The following ANK3 variants were observed in gnomAD, a reference collection of about 807,000 sequenced individuals.
The protein encoded by ANK3 is ankyrin-3.
In ANK3, 57 loss-of-function variants were observed where a neutral mutation model predicts 370.9. The ratio of observed to expected loss-of-function variants is 0.15; its 90% CI spans 0.12 to 0.19. The LOEUF is 0.19. ANK3 is among the 10% of genes least tolerant of loss of function. The probability of loss-of-function intolerance (pLI) is 1.00; values close to 1 mark genes in which losing one functional copy is unlikely to be tolerated. For missense variants in ANK3, 4,439 were observed against 5,302.1 expected (o/e 0.84, Z 5.06); for synonymous variants, 1,929 against 1,946.3 (o/e 0.99, Z 0.23).
At chr10:60,317,737 G>A (rs372453047) in intron 1 of ANK3, among the ~76,000 whole-genome samples, 2 of 141,296 alleles carry the variant, frequency 1.4e-5, no homozygotes, top group Non-Finnish European at 3.0e-5. Context: ...TTTTTGAGAC[G>A]GAGTCTCGCT....
At chr10:60,177,458 CTGGCTT>C (rs1406494530) in intron 18 of ANK3, among the ~76,000 whole-genome samples, 9 of 152,254 alleles carry the variant, frequency 5.9e-5, no homozygotes, top group Non-Finnish European at 1.3e-4. Flanking sequence ...CTTTCCCCAG[CTGGCTT>C]TGTCTCTCCT....
chr10:60,540,663 C>A (rs780542956), intron 2 of ANK3, among the ~76,000 whole-genome samples: 2 of 151,850 alleles, frequency 1.3e-5, no homozygotes, highest in Non-Finnish European at 2.9e-5. Flanking sequence ...CTTCACAAAG[C>A]CACACAAAGG....
chr10:60,150,219 G>A (rs1156817505), intron 23 of ANK3, among the ~76,000 whole-genome samples: 1 of 152,012 alleles, frequency 6.6e-6, no homozygotes, highest in Non-Finnish European at 1.5e-5. Context: ...CTCATCCGGT[G>A]CCTGGCGTCT....
chr10:60,033,588 G>A (rs72818450), intron 43 of ANK3, among the ~76,000 whole-genome samples: 175 of 148,994 alleles, frequency 1.2e-3, no homozygotes, highest in Non-Finnish European at 1.0e-3. Context: ...ATACTTTACA[G>A]TTAAATATGT....
chr10:60,553,861 C>A (rs2077147659), intron 2 of ANK3, among the ~76,000 whole-genome samples: 1 of 152,106 alleles, frequency 6.6e-6, no homozygotes, highest in Non-Finnish European at 1.5e-5. Context: ...TGGCAACTAG[C>A]CCTTTATAAC....
chr10:60,089,211 T>C (rs2087523727), intron 28 of ANK3, among the ~76,000 whole-genome samples: 1 of 152,222 alleles, frequency 6.6e-6, no homozygotes, highest in Non-Finnish European at 1.5e-5. Flanking sequence ...TCTTCCCTGC[T>C]GTCTACCTCC....
chr10:60,071,136 C>T lies in ANK3; in HGVS notation c.9745G>A (p.Val3249Ile). 6.2e-7 allele frequency: 1 copy of T among 1,614,136 alleles called. No individual in the cohort carries two copies. The highest frequency in any genetic ancestry group is 8.5e-7 in the Non-Finnish European group (1 of 1,180,002). Reference sequence around the variant, plus strand: ...GGAGGGGGAAATTCAATATAGGCAACTCTGTTATTTTTGGGTCTTTGGTTA... The same window carrying T: ...GGAGGGGGAAATTCAATATAGGCAATTCTGTTATTTTTGGGTCTTTGGTTA... ...DSNQRPKNNRVAYIEFPPPPP... is the reference protein window; with the variant it reads ...DSNQRPKNNRIAYIEFPPPPP... The change falls in exon 37 of 44, where the codon GTT becomes ATT. Residue 3249 changes from valine (V) to isoleucine (I), a missense_variant. Physicochemically the swap from Val to Ile is conservative, Grantham distance 29 (BLOSUM62 3). Transcript: ENST00000280772.
chr10:60,145,218 C>A (rs1457795602), intron 23 of ANK3, among the ~76,000 whole-genome samples: 1 of 152,184 alleles, frequency 6.6e-6, no homozygotes, highest in African/African-American at 2.4e-5. Flanking sequence ...CCAAATAGTA[C>A]AACCCTGCAA....
chr10:60,070,139 T>G lies in ANK3; in HGVS notation c.10742A>C (p.Asp3581Ala), dbSNP rs1246310758. 8 of 1,614,060 alleles carry G rather than the reference T, an allele frequency of 5.0e-6. No homozygotes were observed. Among genetic ancestry groups the G allele is most frequent in the Non-Finnish European group, 6.8e-6 (8 of 1,180,024 alleles). Residue 3581 changes from aspartate (D) to alanine (A), a missense_variant, in exon 37 of 44, where the codon GAT becomes GCT. By Grantham distance (126) the Asp-to-Ala change is moderately radical (BLOSUM62 -2). Transcript: ENST00000280772. The surrounding 1 kb of genome is among the most constrained non-coding windows in gnomAD (Gnocchi z 5.7). ...VEDRSPATTP[D>A]TTPARTPTDE... ...AGTTGGCGTTCTGGCTGGCGTTGTA[T>G]CAGGGGTTGTTGCTGGAGAGCGGTC...
intron 2 of ANK3, among the ~76,000 whole-genome samples, chr10:60,449,623 C>A (rs1378212385): frequency 1.3e-5 from 2 of 152,206 alleles, no homozygotes; most frequent in African/African-American, 4.8e-5. Context: ...AGATACTCAC[C>A]TTTCTAAACC....
chr10:60,644,952 ACT>A (rs2078691074), intron 1 of ANK3, among the ~76,000 whole-genome samples: 1 of 151,132 alleles, frequency 6.6e-6, no homozygotes, highest in Non-Finnish European at 1.5e-5. Context: ...TAAACATAAA[ACT>A]CAGGTATATT....
intron 1 of ANK3, among the ~76,000 whole-genome samples, chr10:60,659,990 T>C (rs1247250361): frequency 1.3e-5 from 2 of 152,128 alleles, no homozygotes; most frequent in African/African-American, 4.8e-5. Flanking sequence ...TTTGGTAATA[T>C]TAGAGATTGA....
intron 7 of ANK3, among the ~76,000 whole-genome samples, chr10:60,240,155 C>CATAT (rs10629896): frequency 8.6e-6 from 1 of 116,632 alleles, no homozygotes; most frequent in South Asian, 2.9e-4. Flanking sequence ...CATATATATA[C>CATAT]ATATATACAC....
intron 1 of ANK3, among the ~76,000 whole-genome samples, chr10:60,371,898 C>A (rs1303623634): frequency 1.3e-5 from 2 of 151,916 alleles, no homozygotes; most frequent in Non-Finnish European, 2.9e-5. Context: ...AGGGTGGAAG[C>A]CAAGTGGAAG....
At chr10:60,638,545 A>AT (rs1317287480) in intron 1 of ANK3, among the ~76,000 whole-genome samples, 2 of 152,196 alleles carry the variant, frequency 1.3e-5, no homozygotes, top group Non-Finnish European at 2.9e-5. Flanking sequence ...GCAGAAAAAA[A>AT]AATCCATCAA....
chr10:60,248,769 A>G (rs1402997821), intron 7 of ANK3, among the ~76,000 whole-genome samples: 1 of 152,208 alleles, frequency 6.6e-6, no homozygotes, highest in Non-Finnish European at 1.5e-5. Flanking sequence ...AGAAAATACC[A>G]GAGCTGAGGT....
chr10:60,646,172 A>T (rs968442088), intron 1 of ANK3, among the ~76,000 whole-genome samples: 1 of 152,162 alleles, frequency 6.6e-6, no homozygotes, highest in Non-Finnish European at 1.5e-5. Flanking sequence ...AAAAGAAAAA[A>T]AAAGCTATCT....
chr10:60,119,743 T>A (rs991178429), intron 25 of ANK3, among the ~76,000 whole-genome samples: 1 of 152,060 alleles, frequency 6.6e-6, no homozygotes, highest in Non-Finnish European at 1.5e-5. Flanking sequence ...TTGCACTCTA[T>A]CCTGGGCGAA....
At chr10:60,546,072 G>A (rs2076957204) in intron 2 of ANK3, among the ~76,000 whole-genome samples, 1 of 151,106 alleles carries the variant, frequency 6.6e-6, no homozygotes, top group African/African-American at 2.4e-5. Flanking sequence ...GTCTCACTCT[G>A]TCACCCAGGC....
Sources: allele counts gnomAD v4.1 joint callset (sites outside exome capture counted in the v4.1 genomes callset), GRCh38; gene constraint gnomAD v4.1.1; non-coding constraint Gnocchi (gnomAD v3.1); transcripts MANE v1.5; gene names NCBI Gene and HGNC (gene_info 2026-07-23, HGNC 2026-07-21).